The following ESR2 variants were observed in gnomAD, a reference collection of about 807,000 sequenced individuals.
ESR2 encodes the protein estrogen receptor beta.
A neutral mutation model predicts 49.6 loss-of-function variants in ESR2; 36 were observed. That is an observed-to-expected ratio of 0.73 (90% CI 0.56 to 0.96). The LOEUF (loss-of-function observed/expected upper bound fraction) is 0.96. ESR2 is among the 40% of genes least tolerant of loss of function. The pLI is 0.00. For synonymous variants in ESR2, 320 were observed against 266.1 expected (o/e 1.20, Z -1.97); for missense variants, 714 against 693.0 (o/e 1.03, Z -0.34).
intron 6 of ESR2, among the ~76,000 whole-genome samples, chr14:64,251,783 T>G (rs138132105): frequency 1.1e-3 from 160 of 152,306 alleles, no homozygotes; most frequent in African/African-American, 3.8e-3. Context: ...TAGAATATTT[T>G]TATTCACTCC....
intron 7 of ESR2, among the ~76,000 whole-genome samples, chr14:64,237,961 G>C (rs1412464415): frequency 6.6e-6 from 1 of 152,046 alleles, no homozygotes; most frequent in Non-Finnish European, 1.5e-5. Context: ...GGTGGTGATG[G>C]TTGCACCACA....
chr14:64,314,374 T>C (rs1432261547), intron 1 of ESR2, among the ~76,000 whole-genome samples: 6 of 147,182 alleles, frequency 4.1e-5, no homozygotes, highest in African/African-American at 1.5e-4. Flanking sequence ...AGAGGGAAAT[T>C]TATAGCACTA....
intron 1 of ESR2, among the ~76,000 whole-genome samples, chr14:64,285,409 C>T (rs2076767553): frequency 6.6e-6 from 1 of 152,184 alleles, no homozygotes; most frequent in East Asian, 1.9e-4. Flanking sequence ...ATGCAAACTG[C>T]ATTGTGAGGT....
chr14:64,336,766 T>C (rs530907869), intron 1 of ESR2: 3 of 152,320 alleles, frequency 2.0e-5, no homozygotes, highest in South Asian at 4.1e-4. Flanking sequence ...AACTTATGAT[T>C]GTACCCCCAA....
At chr14:64,264,708 A>G (rs1357184831) in intron 4 of ESR2, among the ~76,000 whole-genome samples, 2 of 151,856 alleles carry the variant, frequency 1.3e-5, no homozygotes, top group Admixed American at 1.3e-4. Flanking sequence ...CTGTCTCTAC[A>G]AAAAATACAA....
intron 7 of ESR2, among the ~76,000 whole-genome samples, chr14:64,236,287 A>G (rs936090878): frequency 2.6e-5 from 4 of 152,142 alleles, no homozygotes; most frequent in Admixed American, 2.0e-4. Context: ...CATCTTTTCA[A>G]TAGCCCTGAA....
Position 64,235,102 on chromosome 14 carries a change from T to G in ESR2, c.1274A>C (p.Lys425Thr). Reference sequence around the variant, plus strand: ...CACGGCGTTCAGCAAGTGAGCCAGCTTCCGGCTGCTGTCAGCATCCTGGGT... The same window carrying G: ...CACGGCGTTCAGCAAGTGAGCCAGCGTCCGGCTGCTGTCAGCATCCTGGGT... ...TATQDADSSR[K>T]LAHLLNAVTD... is the part of the protein sequence containing the mutation. Residue 425 changes from lysine to threonine, a missense_variant, in exon 8 of 9, where the codon AAG (lysine) becomes ACG (threonine). Coordinates refer to ENST00000341099, the MANE Select transcript of ESR2 (RefSeq NM_001437.3). 1 of 1,614,136 alleles carries G rather than the reference T, an allele frequency of 6.2e-7. No individual in the cohort carries two copies. The highest frequency in any genetic ancestry group is 8.5e-7 in the Non-Finnish European group (1 of 1,180,024).
intron 4 of ESR2, among the ~76,000 whole-genome samples, chr14:64,265,358 C>G (rs1467320869): frequency 8.5e-5 from 13 of 152,198 alleles, no homozygotes; most frequent in Admixed American, 8.5e-4. Flanking sequence ...CATGTCCTGA[C>G]AGCTACCCTA....
At chr14:64,281,656 T>C (rs1471631160) in intron 2 of ESR2, among the ~76,000 whole-genome samples, 1 of 152,220 alleles carries the variant, frequency 6.6e-6, no homozygotes, top group Non-Finnish European at 1.5e-5. Flanking sequence ...TCCTTTCTCA[T>C]TATACTATCC....
Position 64,280,102 on chromosome 14 carries a change from A to C in ESR2, c.414T>G (p.Thr138=), listed in dbSNP as rs1306311701. Residue 138 remains threonine, a synonymous_variant, in exon 3 of 9, where the codon ACT becomes ACG. Transcript: ENST00000341099. The part of the protein sequence containing the change: ...VSGNRCASPV[T]GPGSKRDAHF... Reference sequence around the variant, plus strand: ...GAGCATCCCTCTTTGAACCTGGACCAGTAACAGGGCTGGCGCAACGGTTCC... The same window carrying C: ...GAGCATCCCTCTTTGAACCTGGACCCGTAACAGGGCTGGCGCAACGGTTCC... The C allele has an allele frequency of 6.2e-7, 1 of 1,614,180 alleles. No homozygotes were observed. Among genetic ancestry groups the C allele is most frequent in the East Asian group, 2.2e-5 (1 of 44,882 alleles).
At chr14:64,322,813 G>C (rs764605284) in intron 1 of ESR2, among the ~76,000 whole-genome samples, 1 of 152,116 alleles carries the variant, frequency 6.6e-6, no homozygotes, top group South Asian at 2.1e-4. Flanking sequence ...GCACCAGTGT[G>C]GAAGGATATA....
chr14:64,309,066 A>T (rs1388477239), intron 1 of ESR2, among the ~76,000 whole-genome samples: 1 of 152,186 alleles, frequency 6.6e-6, no homozygotes, highest in African/African-American at 2.4e-5. Flanking sequence ...ATCAAATAAC[A>T]TACCTAAAGC....
chr14:64,286,397 T>C (rs1009937693), intron 1 of ESR2, among the ~76,000 whole-genome samples: 1 of 152,016 alleles, frequency 6.6e-6, no homozygotes, highest in African/African-American at 2.4e-5. Context: ...GCCTCTTGAC[T>C]TCAAGTGCTT....
At chr14:64,303,839 T>TA (rs376035820) in intron 1 of ESR2, among the ~76,000 whole-genome samples, 1 of 151,970 alleles carries the variant, frequency 6.6e-6, no homozygotes, top group African/African-American at 2.4e-5. Context: ...GGTATAAAGA[T>TA]AAAAAAATGA....
chr14:64,257,507 T>C (rs2076128291), intron 5 of ESR2, 143 bp from the exon 6 acceptor site: 2 of 1,035,492 alleles, frequency 1.9e-6, no homozygotes. Context: ...GATTAACTGC[T>C]CATTAAAGGA....
At chr14:64,311,543 G>C (rs1056527551) in intron 1 of ESR2, among the ~76,000 whole-genome samples, 1 of 151,234 alleles carries the variant, frequency 6.6e-6, no homozygotes, top group African/African-American at 2.4e-5. Flanking sequence ...AGGAGGCAGA[G>C]ATGAGAGAAT....
chr14:64,336,005 G>C (rs1466207430), intron 1 of ESR2: 1 of 149,930 alleles, frequency 6.7e-6, no homozygotes, highest in Non-Finnish European at 1.5e-5. Flanking sequence ...GTGTGTGTGT[G>C]TGTGTGTGTG....
At chr14:64,325,239 TC>T (rs1334410093) in intron 1 of ESR2, among the ~76,000 whole-genome samples, 1 of 152,160 alleles carries the variant, frequency 6.6e-6, no homozygotes, top group African/African-American at 2.4e-5. Flanking sequence ...AACCCACACA[TC>T]ATCCAAGATC....
rs142544449 is a variant in ESR2 at position 64,235,106 on chromosome 14, G to A, written c.1270C>T (p.Arg424Trp). 29 of 1,613,974 alleles carry A rather than the reference G, an allele frequency of 1.8e-5. No individual in the cohort carries two copies. Among genetic ancestry groups the A allele is most frequent in the East Asian group, 4.5e-5 (2 of 44,894 alleles). ...GCGTTCAGCAAGTGAGCCAGCTTCC[G>A]GCTGCTGTCAGCATCCTGGGTCGCT... The part of the protein sequence containing the change: ...VTATQDADSS[R>W]KLAHLLNAVT... Residue 424 changes from arginine to tryptophan, a missense_variant, in exon 8 of 9, where the codon CGG becomes TGG. Physicochemically the swap from Arg to Trp is moderately radical, Grantham distance 101. Coordinates refer to ENST00000341099, the MANE Select transcript of ESR2 (RefSeq NM_001437.3).
Sources: allele counts gnomAD v4.1 joint callset (sites outside exome capture counted in the v4.1 genomes callset), GRCh38; gene constraint gnomAD v4.1.1; transcripts MANE v1.5; gene names NCBI Gene and HGNC (gene_info 2026-07-23, HGNC 2026-07-21).